RYR3: variants seen among roughly 807,000 people sequenced by gnomAD.
The protein encoded by RYR3 is ryanodine receptor 3.
RYR3 carries 207 observed loss-of-function variants against 584.3 expected under a neutral mutation model. The observed-to-expected ratio is 0.35, with a 90% confidence interval of 0.32 to 0.40. The LOEUF is 0.40. Among genes scored for constraint, RYR3 ranks in the 10% least tolerant of loss-of-function variants. The pLI is 1.00. For missense variants in RYR3, 5,616 were observed against 6,089.2 expected, an observed-to-expected ratio of 0.92 and a Z score of 2.59; for synonymous variants, 2,416 against 2,248.5, an observed-to-expected ratio of 1.07 and a Z score of -2.11.
chr15:33,697,750 T>C (rs1045530819), intron 39 of RYR3, 132 bp from the exon 40 acceptor site: 4 of 609,360 alleles, frequency 6.6e-6, no homozygotes, highest in Non-Finnish European at 1.2e-5. Flanking sequence ...GAACTAGTGC[T>C]TTCTTATTAT....
At chr15:33,398,622 G>A (rs1174890642) in intron 1 of RYR3, among the ~76,000 whole-genome samples, 1 of 152,206 alleles carries the variant, frequency 6.6e-6, no homozygotes, top group Non-Finnish European at 1.5e-5. Context: ...GTTTTGGAGA[G>A]GAATTTTTCC....
intron 3 of RYR3, among the ~76,000 whole-genome samples, chr15:33,520,538 A>G (rs530194493): frequency 1.3e-5 from 2 of 150,738 alleles, no homozygotes; most frequent in African/African-American, 4.9e-5. Flanking sequence ...TTATGCAAAG[A>G]ATAAATTTGG....
intron 58 of RYR3, among the ~76,000 whole-genome samples, chr15:33,755,499 G>C (rs1370866100): frequency 6.6e-6 from 1 of 152,184 alleles, no homozygotes; most frequent in African/African-American, 2.4e-5. Context: ...GTGCACGCCT[G>C]TAGTCCCAGC....
intron 1 of RYR3, among the ~76,000 whole-genome samples, chr15:33,434,456 A>G (rs2596231): frequency 0.22 from 32,092 of 148,126 alleles, 4,664 homozygotes; most frequent in African/African-American, 0.42. Flanking sequence ...TCCTCTCCAT[A>G]TTTCCACATG....
intron 2 of RYR3, among the ~76,000 whole-genome samples, chr15:33,475,758 G>A (rs1018095704): frequency 6.6e-6 from 1 of 152,130 alleles, no homozygotes; most frequent in African/African-American, 2.4e-5. Flanking sequence ...CTGCTTAATG[G>A]GAATTTAATA....
chr15:33,795,757 G>A (rs1190877642), intron 67 of RYR3, among the ~76,000 whole-genome samples: 4 of 152,012 alleles, frequency 2.6e-5, no homozygotes, highest in South Asian at 2.1e-4. Flanking sequence ...TCTCGAACTC[G>A]TGACCTCAGG....
chr15:33,675,485 T>G (rs988593964), intron 38 of RYR3, among the ~76,000 whole-genome samples: 2 of 152,174 alleles, frequency 1.3e-5, no homozygotes, highest in Non-Finnish European at 2.9e-5. Flanking sequence ...ACTAAATGAT[T>G]AATTTACTTA....
chr15:33,561,372 A>G (rs891602743), intron 10 of RYR3, among the ~76,000 whole-genome samples: 3 of 152,194 alleles, frequency 2.0e-5, no homozygotes, highest in Non-Finnish European at 4.4e-5. Context: ...TTGAAGGGTG[A>G]GTAGTAGTTT....
intron 1 of RYR3, among the ~76,000 whole-genome samples, chr15:33,394,344 C>G (rs1345021853): frequency 6.6e-6 from 1 of 152,030 alleles, no homozygotes; most frequent in African/African-American, 2.4e-5. Flanking sequence ...TTCAGTACAG[C>G]CAAAAAGAGA....
At chr15:33,634,391 GT>G (rs2061407865) in intron 24 of RYR3, among the ~76,000 whole-genome samples, 194 bp from the exon 25 acceptor site, 2 of 152,130 alleles carry the variant, frequency 1.3e-5, no homozygotes, top group Non-Finnish European at 2.9e-5. Context: ...TTAGTAAAAT[GT>G]TTCCATTTAT....
intron 60 of RYR3, among the ~76,000 whole-genome samples, chr15:33,760,250 A>G (rs1016668385): frequency 1.3e-5 from 2 of 152,248 alleles, no homozygotes; most frequent in Admixed American, 6.5e-5. Context: ...ATAACCCGCT[A>G]GCATCATGAC....
intron 16 of RYR3, among the ~76,000 whole-genome samples, chr15:33,601,007 GA>G (rs1463447986): frequency 2.0e-5 from 3 of 152,106 alleles, no homozygotes; most frequent in Non-Finnish European, 2.9e-5. Context: ...TGTGTTTTCA[GA>G]GCTCAGACAG....
intron 94 of RYR3, chr15:33,851,714 G>A (rs1177216941): frequency 6.6e-6 from 1 of 152,142 alleles, no homozygotes; most frequent in Non-Finnish European, 1.5e-5. Flanking sequence ...CTTCTGCTTA[G>A]GAGAAAATGC....
Position 33,649,200 on chromosome 15 carries a change from C to A in RYR3, c.4107C>A (p.Val1369=), listed in dbSNP as rs758408121. 2 of 1,613,464 alleles carry A rather than the reference C, an allele frequency of 1.2e-6. No individual in the cohort carries two copies. Among genetic ancestry groups the A allele is most frequent in the African/African-American group, 2.7e-5 (2 of 74,900 alleles). Residue 1369 remains valine (V), a synonymous_variant, in exon 31 of 104, where the codon GTC becomes GTA. Coordinates refer to ENST00000634891, the MANE Select transcript of RYR3 (RefSeq NM_001036.6). The stretch of plus-strand genomic sequence containing the variant: ...TGAATAAAAACTGCACAGTGACTGT[C>A]ACCCTAGGGGATGAAAGAGGCCGGG... The part of the protein sequence containing the change: ...FDLNKNCTVT[V]TLGDERGRVH...
Position 33,662,328 on chromosome 15 carries a change from G to A in RYR3, c.4798G>A (p.Gly1600Ser), listed in dbSNP as rs759747259. ...FYAIDNKYLPGLLRSGFYDLL... is the reference protein window; with the variant it reads ...FYAIDNKYLPSLLRSGFYDLL... ...TGCCATTGACAACAAGTACCTCCCC[G>A]GCCTCCTTCGATCTGGTTTCTATGA... Residue 1600 changes from glycine (G) to serine (S), a missense_variant, in exon 35 of 104, where the codon GGC (glycine) becomes AGC (serine). Physicochemically the swap from Gly to Ser is moderately conservative, Grantham distance 56. Transcript: ENST00000634891. The A allele has an allele frequency of 5.0e-6, 8 of 1,611,848 alleles. No individual in the cohort carries two copies. Among genetic ancestry groups the A allele is most frequent in the South Asian group, 1.1e-5 (1 of 90,452 alleles).
At position 33,533,292 on chromosome 15, in the gene RYR3, A is replaced by G; in HGVS notation, c.355-19A>G. The G allele has an allele frequency of 6.4e-7, 1 of 1,562,702 alleles. No homozygotes were observed. Among genetic ancestry groups the G allele is most frequent in the Non-Finnish European group, 8.7e-7 (1 of 1,144,328 alleles). On this transcript the variant is annotated intron_variant, in intron 4 of 103. Coordinates refer to ENST00000634891, the MANE Select transcript of RYR3 (RefSeq NM_001036.6). ...AATGGAAGAGTGTGACTTCACTAGT[A>G]TTTGCTCTTCTTTCACAGTATCTAA... is the stretch of plus-strand genomic sequence containing the variant.
At chr15:33,350,031 T>C (rs1973034761) in intron 1 of RYR3, among the ~76,000 whole-genome samples, 1 of 151,896 alleles carries the variant, frequency 6.6e-6, no homozygotes, top group Admixed American at 6.6e-5. Context: ...TCTTTGCTAT[T>C]GTGAATAGTG....
At chr15:33,335,443 C>T (rs781103078) in intron 1 of RYR3, among the ~76,000 whole-genome samples, 14 of 152,176 alleles carry the variant, frequency 9.2e-5, no homozygotes, top group Non-Finnish European at 1.8e-4. Flanking sequence ...AAATCAAATA[C>T]TGCATGTTCT....
intron 1 of RYR3, chr15:33,465,908 T>C: frequency 2.3e-6 from 1 of 442,600 alleles, no homozygotes; most frequent in South Asian, 1.7e-5. Context: ...TCTCTCCGTC[T>C]CTTCCCTCCG....
Sources: gnomAD v4.1 joint callset for allele counts (sites outside exome capture counted in the v4.1 genomes callset) on GRCh38, gnomAD v4.1.1 for gene constraint, MANE v1.5 for transcripts, NCBI Gene and HGNC (gene_info 2026-07-23, HGNC 2026-07-21) for gene names.